MDN1: variants seen among roughly 807,000 people sequenced by gnomAD.
MDN1 encodes the protein midasin.
In MDN1, 266 loss-of-function variants were observed where a neutral mutation model predicts 669.2. That is an observed-to-expected ratio of 0.40 (90% CI 0.36 to 0.44). The LOEUF is 0.44. Ranked by LOEUF, MDN1 falls within the 20% of genes least tolerant of loss-of-function variation. The probability of loss-of-function intolerance (pLI) is 1.00; values close to 1 mark genes in which losing one functional copy is unlikely to be tolerated. For missense variants in MDN1, 5,940 were observed against 6,754.0 expected, an observed-to-expected ratio of 0.88 and a Z score of 4.22; for synonymous variants, 2,385 against 2,457.1, an observed-to-expected ratio of 0.97 and a Z score of 0.87.
Position 89,819,692 on chromosome 6 carries a change from A to G in MDN1, c.-85T>C, listed in dbSNP as rs1443826842. 3.5e-6 allele frequency: 4 copies of G among 1,127,428 alleles called. No individual in the cohort carries two copies. The Admixed American group carries it at 7.0e-5, about 20-fold the overall frequency. 69.8% of individuals were successfully genotyped at this position (1,127,428 alleles called of 1,614,324 possible). On this transcript the variant is annotated 5_prime_UTR_variant, in exon 1 of 102. Coordinates refer to ENST00000369393, the MANE Select transcript of MDN1 (RefSeq NM_014611.3). ...CAAGCCGCCGAGGTCCCAGTGCCCG[A>G]GCAGCCAGCAACTACGCCCGCAGGA...
rs144980642 is a variant in MDN1 at position 89,727,929 on chromosome 6, A to G, written c.5376T>C (p.Asp1792=). The G allele has an allele frequency of 6.2e-6, 10 of 1,613,854 alleles. No homozygotes were observed. The highest frequency in any genetic ancestry group is 2.2e-5 in the East Asian group (1 of 44,888). ...CTCCCTTGCCACCTTCAACAGGTAG[A>G]TCTGCTCCAAACAGGTCTGTGATGT... The part of the protein sequence containing the change: ...QTDITDLFGA[D]LPVEGGKGGE... Residue 1792 remains aspartate, a synonymous_variant, in exon 37 of 102, where the codon GAT becomes GAC. Transcript: ENST00000369393.
In MDN1 at chr6:89,718,881, A is replaced by G. The variant is rs1584259986; in HGVS notation, c.6207T>C (p.Ser2069=). 1 of 1,614,152 alleles carries G rather than the reference A, an allele frequency of 6.2e-7. No individual in the cohort carries two copies. The highest frequency in any genetic ancestry group is 8.5e-7 in the Non-Finnish European group (1 of 1,180,016). The change falls in exon 42 of 102, where the codon TCT becomes TCC. Residue 2069 remains serine, a synonymous_variant. Coordinates refer to ENST00000369393, the MANE Select transcript of MDN1 (RefSeq NM_014611.3). The stretch of plus-strand genomic sequence containing the variant: ...GCTGGACCAGGCTGGTCTTGCCCAC[A>G]GAGGCTGGCCCGACCAGGATGACCA... The part of the protein sequence containing the change: ...SWMVILVGPA[S]VGKTSLVQLL...
chr6:89,679,052 T>C (rs530475057), intron 74 of MDN1, among the ~76,000 whole-genome samples: 1 of 152,322 alleles, frequency 6.6e-6, no homozygotes, highest in East Asian at 1.9e-4. Flanking sequence ...ATCAAGCAAA[T>C]GCACTTACTG....
intron 50 of MDN1, among the ~76,000 whole-genome samples, chr6:89,709,859 G>A (rs1199049438): frequency 2.0e-5 from 3 of 152,040 alleles, no homozygotes; most frequent in Non-Finnish European, 1.5e-5. Flanking sequence ...AGATATCTTA[G>A]ATGTCTATTT....
intron 12 of MDN1, 25 bp from the exon 13 acceptor site, chr6:89,774,758 A>C (rs1818271510): frequency 6.7e-7 from 1 of 1,496,368 alleles, no homozygotes; most frequent in African/African-American, 1.4e-5. Context: ...ATTTTACCTG[A>C]GTAAAAATCC....
At position 89,749,742 on chromosome 6, in the gene MDN1, A is replaced by G. The variant is rs781581882; in HGVS notation, c.3416T>C (p.Ile1139Thr). 8.7e-6 allele frequency: 14 copies of G among 1,607,260 alleles called. No individual in the cohort carries two copies. Among genetic ancestry groups the G allele is most frequent in the Non-Finnish European group, 1.1e-5 (13 of 1,173,822 alleles). Residue 1139 changes from isoleucine to threonine, a missense_variant, in exon 25 of 102, where the codon ATT becomes ACT. Around this residue, in one of 5 missense-constraint regions of MDN1, gnomAD observed 2,292 missense variants for 2,638.3 expected, o/e 0.87. Transcript: ENST00000369393. ...CCAATAGCCTTTTCTCATGGCATCA[A>G]TAAGAACACCTAGGAAGAAACAAAC... The part of the protein sequence containing the change: ...GKLVFKEGVL[I>T]DAMRKGYWII...
At position 89,819,525 on chromosome 6, in the gene MDN1, C is replaced by T; in HGVS notation, c.83G>A (p.Gly28Asp). The T allele has an allele frequency of 6.2e-7, 1 of 1,606,286 alleles. No individual in the cohort carries two copies. Among genetic ancestry groups the T allele is most frequent in the African/African-American group, 1.3e-5 (1 of 75,060 alleles). Reference protein sequence around the residue: ...AKNEKSRSELGRFLAKQVWTP... With the variant: ...AKNEKSRSELDRFLAKQVWTP... The stretch of plus-strand genomic sequence containing the variant: ...TCTTACCTGCTTGGCCAAGAACCTG[C>T]CCAACTCACTGCGGCTCTTCTCGTT... The change falls in exon 1 of 102, where the codon GGC (glycine) becomes GAC (aspartate). Residue 28 changes from glycine to aspartate, a missense_variant. Gly to Asp is a moderately conservative substitution (Grantham distance 94, BLOSUM62 -1). Coordinates refer to ENST00000369393, the MANE Select transcript of MDN1 (RefSeq NM_014611.3).
chr6:89,706,740 A>G (rs1554183612), intron 52 of MDN1, among the ~76,000 whole-genome samples: 1 of 152,204 alleles, frequency 6.6e-6, no homozygotes, highest in Non-Finnish European at 1.5e-5. Flanking sequence ...CAGATTATAA[A>G]GAAAAAAATG....
At chr6:89,770,006 G>A (rs1818000515) in intron 15 of MDN1, among the ~76,000 whole-genome samples, 1 of 152,132 alleles carries the variant, frequency 6.6e-6, no homozygotes, top group Non-Finnish European at 1.5e-5. Flanking sequence ...GCCGAGGCAG[G>A]AGGATTGCTT....
At position 89,727,970 on chromosome 6, in the gene MDN1, GA is replaced by G; in HGVS notation, c.5350-16del. ...TCTGTGATGTCCTTTGAAAGGGGAA[GA>G]AATGGAAAGAAGCCATTATTACTTT... is the stretch of plus-strand genomic sequence containing the variant. On this transcript the variant is annotated splice_polypyrimidine_tract_variant and intron_variant, in intron 36 of 101. Transcript: ENST00000369393. The G allele has an allele frequency of 6.3e-7, 1 of 1,591,028 alleles. No individual in the cohort carries two copies.
rs1052012313 is a variant in MDN1 at position 89,718,501 on chromosome 6, A to T, written c.6448T>A (p.Phe2150Ile). 12 of 1,614,158 alleles carry T rather than the reference A, an allele frequency of 7.4e-6. No homozygotes were observed. Among genetic ancestry groups the T allele is most frequent in the Non-Finnish European group, 9.3e-6 (11 of 1,180,024 alleles). ...CACTTAGGCTTATATGTCAGAAGAA[A>T]ATGACTCCAGGCTCGCAGCACTACT... The part of the protein sequence containing the change: ...AEVVLRAWSH[F>I]LLTYKPKCLG... Residue 2150 changes from phenylalanine (F) to isoleucine (I), a missense_variant, in exon 43 of 102, where the codon TTT (phenylalanine) becomes ATT (isoleucine). By Grantham distance (21) the Phe-to-Ile change is conservative. Transcript: ENST00000369393.
chr6:89,749,820 AATCAACAAATCCTAGGTTATC>A, intron 24 of MDN1, 69 bp from the exon 25 acceptor site: 1 of 1,199,606 alleles, frequency 8.3e-7, no homozygotes, highest in African/African-American at 1.5e-5. Flanking sequence ...ATTATGTACA[AATCAACAAATCCTAGGTTATC>A]ATCAAATTTC....
intron 40 of MDN1, among the ~76,000 whole-genome samples, chr6:89,720,352 A>G (rs1417768289): frequency 1.3e-5 from 2 of 151,144 alleles, no homozygotes; most frequent in African/African-American, 2.4e-5. Flanking sequence ...GTGAGCCAAG[A>G]TCACGCCACT....
At chr6:89,677,904 G>A (rs760475169) in intron 75 of MDN1, among the ~76,000 whole-genome samples, 2 of 152,210 alleles carry the variant, frequency 1.3e-5, no homozygotes, top group Non-Finnish European at 2.9e-5. Context: ...TCACATGCAC[G>A]TTCAAGTTTG....
Position 89,708,561 on chromosome 6 carries a change from C to T in MDN1, c.7833G>A (p.Met2611Ile), listed in dbSNP as rs1323484992. 2.5e-6 allele frequency: 4 copies of T among 1,613,966 alleles called. No individual in the cohort carries two copies. The highest frequency in any genetic ancestry group is 3.4e-6 in the Non-Finnish European group (4 of 1,179,892). ...GCTGGTCCGTTTGTGGGTCAAAGTC[C>T]ATCAAATTTCTAATCATGTCCAGAG... Reference protein sequence around the residue: ...MQALDMIRNLMDFDPQTDQPD... With the variant: ...MQALDMIRNLIDFDPQTDQPD... Residue 2611 changes from methionine (M) to isoleucine (I), a missense_variant, in exon 51 of 102, where the codon ATG becomes ATA. Coordinates refer to ENST00000369393, the MANE Select transcript of MDN1 (RefSeq NM_014611.3).
At chr6:89,779,414 G>A (rs1198696467) in intron 11 of MDN1, among the ~76,000 whole-genome samples, 1 of 152,084 alleles carries the variant, frequency 6.6e-6, no homozygotes, top group African/African-American at 2.4e-5. Flanking sequence ...TAATAACAAT[G>A]GACCCCAGAT....
chr6:89,788,639 C>T (rs967204775), intron 7 of MDN1, among the ~76,000 whole-genome samples: 5 of 152,030 alleles, frequency 3.3e-5, no homozygotes, highest in Admixed American at 6.5e-5. Flanking sequence ...TAAGAGTTAT[C>T]GAGAGGCTTT....
In MDN1 at chr6:89,678,660, C is replaced by G. The variant is rs1265279689; in HGVS notation, c.12351G>C (p.Lys4117Asn). The G allele has an allele frequency of 8.1e-6, 13 of 1,614,116 alleles. No individual in the cohort carries two copies. The highest frequency in any genetic ancestry group is 1.1e-5 in the Non-Finnish European group (13 of 1,179,992). The change falls in exon 75 of 102, where the codon AAG becomes AAC. Residue 4117 changes from lysine to asparagine, a missense_variant. Coordinates refer to ENST00000369393, the MANE Select transcript of MDN1 (RefSeq NM_014611.3). ...CTCGCTGTTTTTGCATGAGAATGTGCTTGGCTTCTGACCGCTGCTTCTCCT... is the reference window on the plus strand; with the variant it reads ...CTCGCTGTTTTTGCATGAGAATGTGGTTGGCTTCTGACCGCTGCTTCTCCT... The part of the protein sequence containing the change: ...AEKEKQRSEA[K>N]HILMQKQRAL...
Position 89,789,917 on chromosome 6 carries a change from G to A in MDN1, c.1099-6C>T. ...CGATACATCCCCAAAAGCATCTGCA[G>A]AAAGAAGATAAAGTAATTACTGAAA... On this transcript the variant is annotated splice_polypyrimidine_tract_variant and splice_region_variant and intron_variant, in intron 6 of 101. Transcript: ENST00000369393. 6.2e-7 allele frequency: 1 copy of A among 1,607,228 alleles called. No individual in the cohort carries two copies. Among genetic ancestry groups the A allele is most frequent in the East Asian group, 2.2e-5 (1 of 44,816 alleles).
Sources: gnomAD v4.1 joint callset for allele counts (sites outside exome capture counted in the v4.1 genomes callset) on GRCh38, gnomAD v4.1.1 for gene constraint, gnomAD v4.1.1 regional missense constraint, MANE v1.5 for transcripts, NCBI Gene and HGNC (gene_info 2026-07-23, HGNC 2026-07-21) for gene names.